CHRM3: variants seen among roughly 807,000 people sequenced by gnomAD.
CHRM3 encodes muscarinic acetylcholine receptor M3.
CHRM3 carries 11 observed loss-of-function variants against 41.8 expected under a neutral mutation model. That is an observed-to-expected ratio of 0.26 (90% confidence interval 0.17 to 0.44). CHRM3 has a LOEUF of 0.44. Ranked by LOEUF, CHRM3 falls within the 20% of genes least tolerant of loss-of-function variation. CHRM3 has a pLI of 1.00. For synonymous variants in CHRM3, 297 were observed against 301.4 expected (o/e 0.99, Z 0.15); for missense variants, 571 against 745.4 (o/e 0.77, Z 2.72).
rs1680099509 is a variant in CHRM3 at position 239,907,904 on chromosome 1, C to T, written c.453C>T (p.Ala151=). 1 of 1,614,226 alleles carries T rather than the reference C, an allele frequency of 6.2e-7. No homozygotes were observed. The highest frequency in any genetic ancestry group is 8.5e-7 in the Non-Finnish European group (1 of 1,180,054). Residue 151 remains alanine (A), a synonymous_variant, in exon 7 of 7, where the codon GCC becomes GCT. Transcript: ENST00000676153. This position sits in a 1 kb window ranked among gnomAD's most constrained non-coding sequence, Gnocchi z 5.4. ...TCTGGCTTGCCATTGACTACGTAGC[C>T]AGCAATGCCTCTGTTATGAATCTTC... ...CDLWLAIDYV[A]SNASVMNLLV...
intron 6 of CHRM3, among the ~76,000 whole-genome samples, chr1:239,855,934 T>G (rs762943132): frequency 6.6e-6 from 1 of 152,214 alleles, no homozygotes; most frequent in Non-Finnish European, 1.5e-5. Flanking sequence ...CATATCAATG[T>G]AACAAATTTT....
intron 4 of CHRM3, among the ~76,000 whole-genome samples, chr1:239,671,161 C>T (rs771439195): frequency 5.3e-5 from 8 of 152,150 alleles, no homozygotes; most frequent in African/African-American, 1.2e-4. Context: ...TTTTGTTTAG[C>T]ATCTTTTTCA....
chr1:239,596,365 G>A (rs1415593862), intron 3 of CHRM3, among the ~76,000 whole-genome samples: 1 of 152,018 alleles, frequency 6.6e-6, no homozygotes, highest in South Asian at 2.1e-4. Flanking sequence ...TTTTTTAAGT[G>A]GAAGGAGAGC....
intron 3 of CHRM3, among the ~76,000 whole-genome samples, chr1:239,578,819 G>A (rs1035881306): frequency 4.6e-5 from 7 of 152,074 alleles, no homozygotes; most frequent in African/African-American, 1.7e-4. Flanking sequence ...TCCCACTCAG[G>A]ATGCACAATT....
At chr1:239,757,840 A>G (rs1012305733) in intron 5 of CHRM3, among the ~76,000 whole-genome samples, 11 of 152,178 alleles carry the variant, frequency 7.2e-5, no homozygotes, top group African/African-American at 2.2e-4. Flanking sequence ...AAAGAGACAA[A>G]AGAAAGTAGG....
chr1:239,708,617 T>C (rs568164506), intron 5 of CHRM3, among the ~76,000 whole-genome samples: 1 of 152,150 alleles, frequency 6.6e-6, no homozygotes, highest in Non-Finnish European at 1.5e-5. Flanking sequence ...ATCCCATAAT[T>C]TTGTGTGTTT....
chr1:239,855,108 C>G (rs1002194092), intron 6 of CHRM3, among the ~76,000 whole-genome samples: 1 of 152,142 alleles, frequency 6.6e-6, no homozygotes, highest in African/African-American at 2.4e-5. Flanking sequence ...GTGTTTCCGA[C>G]ACTCTTTACC....
chr1:239,700,558 C>A (rs1046788946), intron 5 of CHRM3, among the ~76,000 whole-genome samples: 3 of 152,118 alleles, frequency 2.0e-5, no homozygotes, highest in Non-Finnish European at 2.9e-5. Context: ...CGCTATCAAA[C>A]AAGCCTTTTC....
At chr1:239,411,332 T>G (rs1338891831) in intron 1 of CHRM3, among the ~76,000 whole-genome samples, 1 of 152,152 alleles carries the variant, frequency 6.6e-6, no homozygotes, top group African/African-American at 2.4e-5. Flanking sequence ...ACTTTTAAAA[T>G]GTTTTGTTTT....
At chr1:239,535,551 G>T (rs1658116502) in intron 2 of CHRM3, among the ~76,000 whole-genome samples, 1 of 150,156 alleles carries the variant, frequency 6.7e-6, no homozygotes, top group Non-Finnish European at 1.5e-5. Context: ...ATCGAGTGTG[G>T]GTTCTGCCCT....
chr1:239,793,803 A>ATTTTT lies in CHRM3; in HGVS notation c.-146-33428_-146-33424dup, dbSNP rs67460907. On this transcript the variant is annotated intron_variant, in intron 5 of 6. Coordinates refer to ENST00000676153, the MANE Select transcript of CHRM3 (RefSeq NM_001375978.1). ...TGAACTTGTCAGAAATGAAATGTGT[A>ATTTTT]TTTTTTTTTTTTTTTTTTTTTTTTT... Among the ~76,000 whole-genome samples, 597 of 69,466 alleles carry ATTTTT rather than the reference A, an allele frequency of 8.6e-3. 102 individuals carry two copies. Among genetic ancestry groups the ATTTTT allele is most frequent in the African/African-American group, 0.031 (497 of 16,136 alleles). 45.6% of individuals were successfully genotyped at this position (69,466 alleles called of 152,430 possible).
intron 5 of CHRM3, among the ~76,000 whole-genome samples, chr1:239,710,503 G>A (rs555430039): frequency 6.6e-6 from 1 of 152,222 alleles, no homozygotes; most frequent in East Asian, 1.9e-4. Context: ...AGATAGATAT[G>A]CTATGGGTTT....
chr1:239,636,945 G>A (rs1670522152), intron 4 of CHRM3, among the ~76,000 whole-genome samples: 1 of 152,084 alleles, frequency 6.6e-6, no homozygotes, highest in Non-Finnish European at 1.5e-5. Context: ...GGCAATATTT[G>A]GATGGCACAT....
At chr1:239,541,538 G>A (rs568084869) in intron 2 of CHRM3, among the ~76,000 whole-genome samples, 1 of 151,908 alleles carries the variant, frequency 6.6e-6, no homozygotes, top group African/African-American at 2.4e-5. Flanking sequence ...TTGAGATAGG[G>A]TGTCACTCCG....
At chr1:239,534,770 A>G (rs1209228013) in intron 2 of CHRM3, among the ~76,000 whole-genome samples, 1 of 152,244 alleles carries the variant, frequency 6.6e-6, no homozygotes, top group Non-Finnish European at 1.5e-5. Flanking sequence ...TGGAACATTT[A>G]GTATTTTACT....
intron 6 of CHRM3, among the ~76,000 whole-genome samples, chr1:239,843,922 AC>A (rs1674049018): frequency 6.6e-6 from 1 of 152,144 alleles, no homozygotes; most frequent in African/African-American, 2.4e-5. Context: ...ATAATTAGAT[AC>A]ATACATACGT....
At chr1:239,834,659 A>G (rs1673168785) in intron 6 of CHRM3, among the ~76,000 whole-genome samples, 1 of 152,206 alleles carries the variant, frequency 6.6e-6, no homozygotes, top group Admixed American at 6.5e-5. Context: ...CCCTGAAGGC[A>G]GAAAGTGTAG....
intron 2 of CHRM3, among the ~76,000 whole-genome samples, chr1:239,523,777 C>T (rs925004542): frequency 3.3e-5 from 5 of 152,056 alleles, no homozygotes; most frequent in Non-Finnish European, 7.4e-5. Flanking sequence ...ATAAGATATA[C>T]AAACAAAATT....
At chr1:239,638,212 G>T (rs888718737) in intron 4 of CHRM3, among the ~76,000 whole-genome samples, 1 of 150,254 alleles carries the variant, frequency 6.7e-6, no homozygotes, top group Non-Finnish European at 1.5e-5. Flanking sequence ...GAATAGTGCC[G>T]CAATAAACAT....
Sources: allele counts gnomAD v4.1 joint callset (sites outside exome capture counted in the v4.1 genomes callset), GRCh38; gene constraint gnomAD v4.1.1; non-coding constraint Gnocchi (gnomAD v3.1); transcripts MANE v1.5; gene names NCBI Gene and HGNC (gene_info 2026-07-23, HGNC 2026-07-21).